The following FTO variants were observed in gnomAD, a reference collection of about 807,000 sequenced individuals.
FTO encodes FTO alpha-ketoglutarate dependent dioxygenase.
A neutral mutation model predicts 63.9 loss-of-function variants in FTO; 47 were observed. The ratio of observed to expected loss-of-function variants is 0.74; its 90% CI spans 0.58 to 0.94. The LOEUF is 0.94. Among genes scored for constraint, FTO ranks in the 40% least tolerant of loss-of-function variants. The probability of loss-of-function intolerance (pLI) is 0.00; values close to 1 mark genes in which losing one functional copy is unlikely to be tolerated. For missense variants in FTO, 562 were observed against 618.1 expected, an observed-to-expected ratio of 0.91 and a Z score of 0.96; for synonymous variants, 207 against 224.4, an observed-to-expected ratio of 0.92 and a Z score of 0.69.
At chr16:53,751,317 G>A (rs1287144961) in intron 1 of FTO, among the ~76,000 whole-genome samples, 3 of 152,120 alleles carry the variant, frequency 2.0e-5, no homozygotes, top group Admixed American at 2.0e-4. Flanking sequence ...AATTAGCCGG[G>A]CGTGGTGGCC....
chr16:53,987,589 A>C (rs2083701095), intron 8 of FTO, among the ~76,000 whole-genome samples: 1 of 118,670 alleles, frequency 8.4e-6, no homozygotes, highest in South Asian at 2.9e-4. Context: ...TCTCAAAAAA[A>C]AAAAAAAAGA....
chr16:53,759,932 G>T (rs1456450922), intron 1 of FTO, among the ~76,000 whole-genome samples: 1 of 151,920 alleles, frequency 6.6e-6, no homozygotes, highest in Admixed American at 6.5e-5. Context: ...TTGGGCCAAT[G>T]CTTCAGATAG....
At position 53,741,519 on chromosome 16, in the gene FTO, A is replaced by G. The variant is rs530154509; in HGVS notation, c.45+37290A>G. Among the ~76,000 whole-genome samples, 119 of 152,348 alleles carry G rather than the reference A, an allele frequency of 7.8e-4. 1 individual carries two copies. The highest frequency in any genetic ancestry group is 2.8e-3 in the African/African-American group (118 of 41,580). ...CAGTAATAATAATAGTAGTAGTAGT[A>G]GTACTTACTATATGAATTAAAATTG... On this transcript the variant is annotated intron_variant, in intron 1 of 8. Coordinates refer to ENST00000471389, the MANE Select transcript of FTO (RefSeq NM_001080432.3).
intron 8 of FTO, among the ~76,000 whole-genome samples, chr16:54,057,813 A>G (rs2085473093): frequency 6.6e-6 from 1 of 152,174 alleles, no homozygotes; most frequent in Non-Finnish European, 1.5e-5. Flanking sequence ...GATGTGAGTC[A>G]TACCCTGGGC....
intron 5 of FTO, among the ~76,000 whole-genome samples, chr16:53,874,808 CA>C (rs2080600900): frequency 6.6e-6 from 1 of 152,174 alleles, no homozygotes; most frequent in Non-Finnish European, 1.5e-5. Context: ...GCCCATCCAG[CA>C]CCTCTTTCTT....
intron 1 of FTO, among the ~76,000 whole-genome samples, chr16:53,766,329 G>A (rs575095274): frequency 9.2e-4 from 140 of 152,194 alleles, no homozygotes; most frequent in Non-Finnish European, 1.7e-3. Flanking sequence ...AGGCTTCAGC[G>A]ATCCTCTCAC....
intron 8 of FTO, among the ~76,000 whole-genome samples, chr16:54,106,917 A>G (rs1433312284): frequency 1.4e-5 from 2 of 141,932 alleles, no homozygotes; most frequent in Non-Finnish European, 3.0e-5. Context: ...ACGATATATA[A>G]TATATTAAAA....
Position 53,743,492 on chromosome 16 carries a change from C to T in FTO, c.45+39263C>T, listed in dbSNP as rs144272350. On this transcript the variant is annotated intron_variant, in intron 1 of 8. Transcript: ENST00000471389. ...CTGATGTTTAGGTAACAGATCTAGT[C>T]CCTGGAGCCTCAGATGAGTCTTTGA... Among the ~76,000 whole-genome samples the T allele has an allele frequency of 3.3e-5, 5 of 150,898 alleles. No homozygotes were observed. In the East Asian group the frequency reaches 7.8e-4, roughly 24 times the overall value.
chr16:53,893,108 C>T (rs1246068473), intron 7 of FTO, among the ~76,000 whole-genome samples: 1 of 152,134 alleles, frequency 6.6e-6, no homozygotes, highest in Non-Finnish European at 1.5e-5. Flanking sequence ...ATTTGAATGA[C>T]ATTCTGATAA....
intron 5 of FTO, among the ~76,000 whole-genome samples, chr16:53,875,112 G>A (rs551105007): frequency 1.3e-5 from 2 of 152,128 alleles, no homozygotes; most frequent in South Asian, 4.2e-4. Flanking sequence ...AAGAGAGGGA[G>A]GGAGGAAGGG....
chr16:54,018,975 G>A (rs77867957), intron 8 of FTO, among the ~76,000 whole-genome samples: 6,240 of 152,256 alleles, frequency 0.041, 188 homozygotes, highest in South Asian at 0.14. Flanking sequence ...AAATAGGACA[G>A]CTGTAGGTGT....
chr16:53,934,725 T>C (rs891485651), intron 8 of FTO, among the ~76,000 whole-genome samples: 2 of 152,208 alleles, frequency 1.3e-5, no homozygotes, highest in African/African-American at 4.8e-5. Flanking sequence ...TAAGTATTAG[T>C]GTATCTAAGC....
At chr16:53,959,892 C>T (rs1271644803) in intron 8 of FTO, among the ~76,000 whole-genome samples, 1 of 152,026 alleles carries the variant, frequency 6.6e-6, no homozygotes, top group African/African-American at 2.4e-5. Flanking sequence ...TGTGCAAAGG[C>T]CCAGGGGCAT....
At chr16:53,941,081 C>T (rs2082517668) in intron 8 of FTO, among the ~76,000 whole-genome samples, 1 of 152,236 alleles carries the variant, frequency 6.6e-6, no homozygotes, top group Non-Finnish European at 1.5e-5. Flanking sequence ...GATCAACTAG[C>T]ACACTGAGGT....
chr16:53,943,763 ATAAAG>A (rs1364268579), intron 8 of FTO, among the ~76,000 whole-genome samples: 1 of 152,238 alleles, frequency 6.6e-6, no homozygotes, highest in African/African-American at 2.4e-5. Context: ...GAGCTTTGTT[ATAAAG>A]TAATCACTTG....
chr16:53,962,090 G>A (rs1599097930), intron 8 of FTO, among the ~76,000 whole-genome samples: 1 of 152,172 alleles, frequency 6.6e-6, no homozygotes, highest in South Asian at 2.1e-4. Flanking sequence ...GAATTAGGGA[G>A]ATTATTTTAG....
At chr16:53,854,574 C>T (rs77407095) in intron 4 of FTO, among the ~76,000 whole-genome samples, 13 of 152,068 alleles carry the variant, frequency 8.5e-5, no homozygotes, top group Admixed American at 2.0e-4. Context: ...TATCCTTTGT[C>T]GAAGATCAGT....
At position 53,831,260 on chromosome 16, in the gene FTO, C is replaced by G. The variant is rs542904986; in HGVS notation, c.751+4769C>G. 5.9e-5 allele frequency among the ~76,000 whole-genome samples: 9 copies of G among 152,310 alleles called. No individual in the cohort carries two copies. The South Asian group carries it at 1.9e-3, about 32-fold the overall frequency. ...GCGTCCCAGCATCCCTGTCTAAAATCTCAAAGCTTATTTGACCTAGCTTTT... is the reference window on the plus strand; with the variant it reads ...GCGTCCCAGCATCCCTGTCTAAAATGTCAAAGCTTATTTGACCTAGCTTTT... On this transcript the variant is annotated intron_variant, in intron 3 of 8. Transcript: ENST00000471389.
intron 7 of FTO, among the ~76,000 whole-genome samples, chr16:53,907,283 C>G (rs2081563466): frequency 6.6e-6 from 1 of 152,164 alleles, no homozygotes; most frequent in Non-Finnish European, 1.5e-5. Flanking sequence ...ACGCATTAGC[C>G]TACCCTTGGC....
Sources: allele counts gnomAD v4.1 joint callset (sites outside exome capture counted in the v4.1 genomes callset), GRCh38; gene constraint gnomAD v4.1.1; transcripts MANE v1.5; gene names NCBI Gene and HGNC (gene_info 2026-07-23, HGNC 2026-07-21).